Variants in SPTBN1 observed in about 807,000 individuals in gnomAD.
The protein encoded by SPTBN1 is spectrin beta chain, non-erythrocytic 1.
Under a neutral mutation model 266.4 loss-of-function variants are expected in SPTBN1, and 32 were observed. The ratio of observed to expected loss-of-function variants is 0.12; its 90% CI spans 0.09 to 0.16. The LOEUF (loss-of-function observed/expected upper bound fraction) is 0.16. Among genes scored for constraint, SPTBN1 ranks in the 10% least tolerant of loss-of-function variants. SPTBN1 has a pLI of 1.00. For synonymous variants in SPTBN1, 1,336 were observed against 1,162.2 expected, an observed-to-expected ratio of 1.15 and a Z score of -3.04; for missense variants, 2,296 against 3,067.1, an observed-to-expected ratio of 0.75 and a Z score of 5.94.
chr2:54,617,770 A>T, intron 6 of SPTBN1, 82 bp downstream of exon 6: 1 of 1,412,422 alleles, frequency 7.1e-7, no homozygotes, highest in East Asian at 2.3e-5. Flanking sequence ...ACTTTTCCAT[A>T]TCCGTTGGCT....
chr2:54,661,668 ATG>A (rs1681056465), intron 32 of SPTBN1: 1 of 985,778 alleles, frequency 1.0e-6, no homozygotes, highest in African/African-American at 1.7e-5. Flanking sequence ...GGGAGCTCTA[ATG>A]TGTGTTTGTG....
At chr2:54,531,029 G>A (rs1262159345) in intron 2 of SPTBN1, among the ~76,000 whole-genome samples, 2 of 151,890 alleles carry the variant, frequency 1.3e-5, no homozygotes, top group Admixed American at 6.6e-5. Flanking sequence ...TGCCCTGAGA[G>A]GACATGGAAG....
chr2:54,622,163 A>G, intron 8 of SPTBN1, 137 bp from the exon 9 acceptor site: 1 of 785,570 alleles, frequency 1.3e-6, no homozygotes, highest in Non-Finnish European at 2.0e-6. Flanking sequence ...GTGCCCAGGT[A>G]CAGCTGAACT....
chr2:54,537,812 C>G (rs1266030208), intron 2 of SPTBN1, among the ~76,000 whole-genome samples: 1 of 152,200 alleles, frequency 6.6e-6, no homozygotes, highest in Non-Finnish European at 1.5e-5. Context: ...GCTTCACTCT[C>G]TACCACCTTT....
chr2:54,664,810 T>C lies in SPTBN1; in HGVS notation c.6659+119T>C, dbSNP rs1443889522. The C allele has an allele frequency of 2.1e-5, 21 of 1,001,484 alleles. No individual in the cohort carries two copies. The Admixed American group carries it at 2.9e-4, about 14-fold the overall frequency. The allele number at this position is 1,001,484 out of a possible 1,614,324, so 62.0% of individuals were successfully genotyped here. On this transcript the variant is annotated intron_variant, in intron 33 of 35. Transcript: ENST00000356805. This position sits in a 1 kb window ranked among gnomAD's most constrained non-coding sequence, Gnocchi z 5.6. ...CATGTAGTTTTATTCCTTTGGTAGCTTCCTGGACATTGCATTCTTCTTGGG... is the reference window on the plus strand; with the variant it reads ...CATGTAGTTTTATTCCTTTGGTAGCCTCCTGGACATTGCATTCTTCTTGGG...
intron 2 of SPTBN1, among the ~76,000 whole-genome samples, chr2:54,547,454 C>G (rs1672312333): frequency 6.6e-6 from 1 of 152,148 alleles, no homozygotes; most frequent in Admixed American, 6.5e-5. Context: ...ATCCTGCTTT[C>G]AGTTCTTTTG....
At chr2:54,580,670 TG>T (rs1674833027) in intron 2 of SPTBN1, among the ~76,000 whole-genome samples, 1 of 152,062 alleles carries the variant, frequency 6.6e-6, no homozygotes, top group African/African-American at 2.4e-5. Flanking sequence ...AACTTACTGC[TG>T]GTAACTAGTT....
chr2:54,496,438 T>A lies in SPTBN1; in HGVS notation c.-47-29934T>A, dbSNP rs1371741676. 2.0e-3 allele frequency among the ~76,000 whole-genome samples: 107 copies of A among 54,630 alleles called. 2 individuals carry two copies. The highest frequency in any genetic ancestry group is 0.01 in the African/African-American group (100 of 9,674). 35.8% of individuals were successfully genotyped at this position (54,630 alleles called of 152,430 possible). ...GGGCGACAGAGTGATACTCCGTGTC[T>A]TAAAAAAAAAAAAAAAAAAAAGTAT... On this transcript the variant is annotated intron_variant, in intron 1 of 35. Transcript: ENST00000356805.
chr2:54,648,756 G>C (rs1206267736), intron 24 of SPTBN1, among the ~76,000 whole-genome samples: 1 of 152,192 alleles, frequency 6.6e-6, no homozygotes, highest in Non-Finnish European at 1.5e-5. Flanking sequence ...GTAGGGATAG[G>C]TGAATGTAGT....
chr2:54,498,761 A>G (rs1044974798), intron 1 of SPTBN1, among the ~76,000 whole-genome samples: 2 of 152,214 alleles, frequency 1.3e-5, no homozygotes, highest in Non-Finnish European at 2.9e-5. Flanking sequence ...GGAAAGCAGA[A>G]AAGTCATTTA....
At chr2:54,660,274 T>C (rs1253153663) in intron 32 of SPTBN1, 6 of 1,300,040 alleles carry the variant, frequency 4.6e-6, no homozygotes, top group Non-Finnish European at 5.9e-6. Context: ...TAAAGCAGCA[T>C]ACTTATTTTT....
intron 2 of SPTBN1, among the ~76,000 whole-genome samples, chr2:54,586,473 G>A (rs1278219090): frequency 1.3e-5 from 2 of 152,164 alleles, no homozygotes; most frequent in African/African-American, 4.8e-5. Flanking sequence ...ACTTGGCATT[G>A]CTGTGGCTTT....
intron 1 of SPTBN1, among the ~76,000 whole-genome samples, chr2:54,460,959 G>A (rs1016365798): frequency 2.6e-5 from 4 of 152,136 alleles, no homozygotes; most frequent in Non-Finnish European, 4.4e-5. Flanking sequence ...CCGAGATCGC[G>A]CCACTGCATT....
chr2:54,626,827 G>A lies in SPTBN1; in HGVS notation c.1644+593G>A, dbSNP rs1186479072. Among the ~76,000 whole-genome samples the A allele has an allele frequency of 1.3e-5, 2 of 152,220 alleles. No homozygotes were observed. The highest frequency in any genetic ancestry group is 2.4e-5 in the African/African-American group (1 of 41,456). Reference sequence around the variant, plus strand: ...AGATCATGGGATGGGCTGGATGGCAGTGGCTGGTCATGCCATTTATTGACT... The same window carrying A: ...AGATCATGGGATGGGCTGGATGGCAATGGCTGGTCATGCCATTTATTGACT... On this transcript the variant is annotated intron_variant, in intron 12 of 35. Transcript: ENST00000356805. This position sits in a 1 kb window ranked among gnomAD's most constrained non-coding sequence, Gnocchi z 4.7.
rs1681667897 is a variant in SPTBN1 at position 54,671,073 on chromosome 2, T to C, written c.*2504T>C. 2.9e-6 allele frequency: 1 copy of C among 345,076 alleles called. No homozygotes were observed. The highest frequency in any genetic ancestry group is 5.2e-6 in the Non-Finnish European group (1 of 193,014). 21.4% of individuals were successfully genotyped at this position (345,076 alleles called of 1,614,324 possible). On this transcript the variant is annotated 3_prime_UTR_variant, in exon 36 of 36. Transcript: ENST00000356805. ...AGTGATACAATATGGGTGACAATAC[T>C]GGCCCCTCCATAAATCTGAAGAGTA...
chr2:54,490,387 T>C (rs540684219), intron 1 of SPTBN1, among the ~76,000 whole-genome samples: 26 of 152,288 alleles, frequency 1.7e-4, no homozygotes, highest in African/African-American at 6.0e-4. Flanking sequence ...ATGAAGATTT[T>C]ATAAACAGAT....
At chr2:54,590,729 G>C (rs1675618574) in intron 2 of SPTBN1, among the ~76,000 whole-genome samples, 1 of 152,222 alleles carries the variant, frequency 6.6e-6, no homozygotes, top group South Asian at 2.1e-4. Context: ...CAGAGCATGA[G>C]AGTAAGACCT....
In SPTBN1 at chr2:54,558,658, C is replaced by T; in HGVS notation, c.148+32092C>T. On this transcript the variant is annotated intron_variant, in intron 2 of 35. Transcript: ENST00000356805. This position sits in a 1 kb window ranked among gnomAD's most constrained non-coding sequence, Gnocchi z 4.6. ...AGATCACCCTGCTGGACTTGCAGAC[C>T]GGAATGGGGCTCGCCTAAGGAGCCG... is the stretch of plus-strand genomic sequence containing the variant. The T allele has an allele frequency of 6.7e-7, 1 of 1,496,790 alleles. No homozygotes were observed. Among genetic ancestry groups the T allele is most frequent in the Non-Finnish European group, 8.9e-7 (1 of 1,121,696 alleles). 92.7% of individuals were successfully genotyped at this position (1,496,790 alleles called of 1,614,324 possible).
At chr2:54,528,068 G>A (rs138070959) in intron 2 of SPTBN1, 29 of 152,782 alleles carry the variant, frequency 1.9e-4, no homozygotes, top group African/African-American at 5.5e-4. Context: ...TGGCCTGAAT[G>A]AATGATTAAT....
Sources: gnomAD v4.1 joint callset for allele counts (sites outside exome capture counted in the v4.1 genomes callset) on GRCh38, gnomAD v4.1.1 for gene constraint, Gnocchi (gnomAD v3.1) non-coding constraint, MANE v1.5 for transcripts, NCBI Gene and HGNC (gene_info 2026-07-23, HGNC 2026-07-21) for gene names.